NFE2L2: variants seen among roughly 807,000 people sequenced by gnomAD.
NFE2L2 encodes nuclear factor erythroid 2-related factor 2.
In NFE2L2, 20 loss-of-function variants were observed where a neutral mutation model predicts 49.6. That is an observed-to-expected ratio of 0.40 (90% confidence interval 0.28 to 0.59). NFE2L2 has a LOEUF of 0.59. Ranked by LOEUF, NFE2L2 falls within the 20% of genes least tolerant of loss-of-function variation. The pLI, the probability that NFE2L2 is intolerant of heterozygous loss-of-function variation, is 0.40. For synonymous variants in NFE2L2, 244 were observed against 256.5 expected (o/e 0.95, Z 0.47); for missense variants, 578 against 714.2 (o/e 0.81, Z 2.17).
At chr2:177,252,159 T>C (rs536979334) in intron 1 of NFE2L2, among the ~76,000 whole-genome samples, 3 of 152,272 alleles carry the variant, frequency 2.0e-5, no homozygotes, top group African/African-American at 4.8e-5. Context: ...AATCTAAAGA[T>C]GATGAAACGG....
chr2:177,238,639 A>G (rs1229241589), intron 1 of NFE2L2, among the ~76,000 whole-genome samples: 1 of 152,226 alleles, frequency 6.6e-6, no homozygotes, highest in African/African-American at 2.4e-5. Flanking sequence ...GCCAATGGAT[A>G]ATAATGAGGT....
At chr2:177,235,121 AAAAAT>A (rs1421385942) in intron 1 of NFE2L2, among the ~76,000 whole-genome samples, 32 of 151,694 alleles carry the variant, frequency 2.1e-4, no homozygotes, top group Non-Finnish European at 2.9e-4. Flanking sequence ...CATCTCAAAA[AAAAAT>A]AAAATAAAAG....
At chr2:177,246,205 T>G (rs1690122375) in intron 1 of NFE2L2, among the ~76,000 whole-genome samples, 1 of 152,064 alleles carries the variant, frequency 6.6e-6, no homozygotes, top group Non-Finnish European at 1.5e-5. Context: ...CAACGTAACT[T>G]GCCTAAAGAG....
chr2:177,264,438 A>G, intron 1 of NFE2L2, 94 bp downstream of exon 1: 1 of 1,304,804 alleles, frequency 7.7e-7, no homozygotes, highest in East Asian at 3.1e-5. Flanking sequence ...ACGTGGGGGA[A>G]GCCGGTTGCG....
At chr2:177,261,004 C>T (rs931340440) in intron 1 of NFE2L2, among the ~76,000 whole-genome samples, 6 of 151,890 alleles carry the variant, frequency 4.0e-5, no homozygotes, top group African/African-American at 1.5e-4. Context: ...GGTAAAACCC[C>T]ATCTCTACTA....
chr2:177,263,275 T>C (rs7564947), intron 1 of NFE2L2: 174,941 of 802,612 alleles, frequency 0.22, 21,163 homozygotes, highest in African/African-American at 0.45. Flanking sequence ...TGTTAAGAAA[T>C]TGAGGCAAAT....
At chr2:177,264,167 C>T (rs980188348) in intron 1 of NFE2L2, among the ~76,000 whole-genome samples, 8 of 152,062 alleles carry the variant, frequency 5.3e-5, no homozygotes, top group South Asian at 2.1e-4. Flanking sequence ...CGTCCGCCCC[C>T]TCTTGCCCCG....
chr2:177,253,072 C>G (rs1263796402), intron 1 of NFE2L2, among the ~76,000 whole-genome samples: 1 of 152,210 alleles, frequency 6.6e-6, no homozygotes, highest in Non-Finnish European at 1.5e-5. Context: ...CCCACTGGCC[C>G]AATAGTCTGT....
intron 1 of NFE2L2, among the ~76,000 whole-genome samples, chr2:177,256,886 G>C (rs1271753586): frequency 6.6e-6 from 1 of 152,148 alleles, no homozygotes; most frequent in Non-Finnish European, 1.5e-5. Flanking sequence ...CTGTGGGGTG[G>C]GTGTATAGGG....
At position 177,261,228 on chromosome 2, in the gene NFE2L2, C is replaced by T. The variant is rs891504419; in HGVS notation, c.45+3304G>A. On this transcript the variant is annotated intron_variant, in intron 1 of 4. Coordinates refer to ENST00000397062, the MANE Select transcript of NFE2L2 (RefSeq NM_006164.5). ...TCCTGCCTTTCTAAATTGAATCCAC[C>T]GAGGCCTCTGTGTCTTCCTTAAAAG... is the stretch of plus-strand genomic sequence containing the variant. 1.5e-4 allele frequency among the ~76,000 whole-genome samples: 23 copies of T among 151,742 alleles called. 1 individual carries two copies. The highest frequency in any genetic ancestry group is 1.4e-3 in the Admixed American group (22 of 15,224).
chr2:177,262,359 C>T (rs1009490198), intron 1 of NFE2L2, among the ~76,000 whole-genome samples: 2 of 152,170 alleles, frequency 1.3e-5, no homozygotes, highest in Non-Finnish European at 2.9e-5. Flanking sequence ...TTCCTTCCAC[C>T]TAATGGAGAT....
chr2:177,246,838 T>C (rs1016048324), intron 1 of NFE2L2, among the ~76,000 whole-genome samples: 4 of 132,518 alleles, frequency 3.0e-5, no homozygotes, highest in Non-Finnish European at 6.2e-5. Flanking sequence ...TCTCAAGCAA[T>C]CCTCCGGCTT....
intron 3 of NFE2L2, 196 bp downstream of exon 3, chr2:177,233,050 GTTTT>G: frequency 4.5e-6 from 2 of 446,246 alleles, no homozygotes; most frequent in Non-Finnish European, 7.8e-6. Context: ...TGTGTGAAGG[GTTTT>G]TTTTTTTCTT....
chr2:177,247,863 A>AAG (rs1375986749), intron 1 of NFE2L2, among the ~76,000 whole-genome samples: 4 of 152,248 alleles, frequency 2.6e-5, no homozygotes, highest in African/African-American at 9.6e-5. Flanking sequence ...AGGCTGGGGT[A>AAG]CCCGCAGATA....
At chr2:177,244,307 A>G (rs1024730590) in intron 1 of NFE2L2, among the ~76,000 whole-genome samples, 2 of 152,068 alleles carry the variant, frequency 1.3e-5, no homozygotes, top group Admixed American at 6.6e-5. Context: ...TGTCTCAAAA[A>G]AAAAAAAAAG....
At chr2:177,232,975 T>C (rs1339464993) in intron 3 of NFE2L2, 2 of 499,854 alleles carry the variant, frequency 4.0e-6, no homozygotes, top group African/African-American at 4.0e-5. Context: ...AATGGGTTAT[T>C]TGTTTCCATG....
chr2:177,263,125 G>C (rs1690799106), intron 1 of NFE2L2, among the ~76,000 whole-genome samples: 1 of 152,164 alleles, frequency 6.6e-6, no homozygotes, highest in African/African-American at 2.4e-5. Flanking sequence ...AAAGAAGTTA[G>C]AAATATAAAT....
chr2:177,262,483 G>T (rs1414548862), intron 1 of NFE2L2, among the ~76,000 whole-genome samples: 1 of 152,130 alleles, frequency 6.6e-6, no homozygotes, highest in African/African-American at 2.4e-5. Flanking sequence ...TTGACAAAAG[G>T]TCAAGAAAAT....
At chr2:177,263,801 G>A in intron 1 of NFE2L2, 1 of 985,518 alleles carries the variant, frequency 1.0e-6, no homozygotes, top group Non-Finnish European at 1.2e-6. Flanking sequence ...CCGAGAAAGT[G>A]CGCGGGGCCC....
Sources: gnomAD v4.1 joint callset for allele counts (sites outside exome capture counted in the v4.1 genomes callset) on GRCh38, gnomAD v4.1.1 for gene constraint, MANE v1.5 for transcripts, NCBI Gene and HGNC (gene_info 2026-07-23, HGNC 2026-07-21) for gene names.